Variants in FER observed in about 807,000 individuals in gnomAD.
The protein encoded by FER is FER tyrosine kinase.
Under a neutral mutation model 111.0 loss-of-function variants are expected in FER, and 63 were observed. The observed-to-expected ratio is 0.57, with a 90% CI of 0.46 to 0.70. FER has a LOEUF of 0.70. FER is among the 30% of genes least tolerant of loss of function. FER has a pLI of 0.00. For missense variants in FER, 914 were observed against 954.0 expected (o/e 0.96, Z 0.55); for synonymous variants, 327 against 313.9 (o/e 1.04, Z -0.44).
intron 10 of FER, among the ~76,000 whole-genome samples, chr5:108,907,237 C>T (rs553672334): frequency 2.0e-4 from 30 of 151,882 alleles, no homozygotes; most frequent in African/African-American, 7.0e-4. Context: ...TTGTCTCTTC[C>T]ACCTTTTTCC....
At position 109,191,490 on chromosome 5, in the gene FER, C is replaced by T. The variant is rs1429030203; in HGVS notation, c.*3915C>T. Reference sequence around the variant, plus strand: ...TGAGTCATCGCAAGACTTGCTTTTGCATTTAGGAAGCCACACCCTCCCACA... The same window carrying T: ...TGAGTCATCGCAAGACTTGCTTTTGTATTTAGGAAGCCACACCCTCCCACA... On this transcript the variant is annotated 3_prime_UTR_variant, in exon 20 of 20. Coordinates refer to ENST00000281092, the MANE Select transcript of FER (RefSeq NM_005246.4). The T allele has an allele frequency of 6.6e-6, 1 of 152,104 alleles. No homozygotes were observed. The highest frequency in any genetic ancestry group is 2.4e-5 in the African/African-American group (1 of 41,436). 9.4% of individuals were successfully genotyped at this position (152,104 alleles called of 1,614,324 possible).
At chr5:109,101,313 TCATTG>T (rs1339610591) in intron 17 of FER, among the ~76,000 whole-genome samples, 1 of 152,014 alleles carries the variant, frequency 6.6e-6, no homozygotes, top group Non-Finnish European at 1.5e-5. Flanking sequence ...GGAGCAAGGT[TCATTG>T]CTAGAGTGAG....
chr5:108,977,294 A>C (rs1259928283), intron 13 of FER, among the ~76,000 whole-genome samples: 1 of 152,186 alleles, frequency 6.6e-6, no homozygotes, highest in Non-Finnish European at 1.5e-5. Flanking sequence ...ACTTTTTATA[A>C]TAGGTTTATG....
chr5:108,879,927 C>G (rs970909483), intron 8 of FER, among the ~76,000 whole-genome samples: 29 of 151,698 alleles, frequency 1.9e-4, no homozygotes, highest in Admixed American at 1.8e-3. Context: ...CCAGGCTGGT[C>G]TCAAACTCCT....
At chr5:109,172,829 C>G (rs1276027295) in intron 17 of FER, among the ~76,000 whole-genome samples, 1 of 151,802 alleles carries the variant, frequency 6.6e-6, no homozygotes, top group Non-Finnish European at 1.5e-5. Flanking sequence ...ACAATGTGGC[C>G]CACAGGTGAT....
At chr5:109,141,628 A>G (rs1582221764) in intron 17 of FER, among the ~76,000 whole-genome samples, 1 of 152,194 alleles carries the variant, frequency 6.6e-6, no homozygotes, top group East Asian at 1.9e-4. Context: ...TGGAAGATGG[A>G]GAGTCAGTTA....
At chr5:109,103,080 A>G (rs1479324967) in intron 17 of FER, among the ~76,000 whole-genome samples, 1 of 152,154 alleles carries the variant, frequency 6.6e-6, no homozygotes, top group Non-Finnish European at 1.5e-5. Flanking sequence ...ATGAATTAAA[A>G]TAATGTAAAA....
At chr5:109,045,902 A>G (rs1771903106) in intron 15 of FER, among the ~76,000 whole-genome samples, 1 of 152,246 alleles carries the variant, frequency 6.6e-6, no homozygotes, top group Admixed American at 6.5e-5. Flanking sequence ...GATGCCAGTC[A>G]GCCCTATTTG....
chr5:108,822,147 A>G (rs928946948), intron 3 of FER, among the ~76,000 whole-genome samples: 2 of 152,174 alleles, frequency 1.3e-5, no homozygotes, highest in Non-Finnish European at 2.9e-5. Flanking sequence ...TGCCCTCTAG[A>G]TTAATCCCTG....
At chr5:109,060,829 TAG>T (rs1321290706) in intron 16 of FER, among the ~76,000 whole-genome samples, 1 of 151,856 alleles carries the variant, frequency 6.6e-6, no homozygotes, top group Non-Finnish European at 1.5e-5. Context: ...ATAAATATCT[TAG>T]AGTGCTTGAC....
chr5:108,928,373 A>G (rs1754083614), intron 10 of FER, among the ~76,000 whole-genome samples: 1 of 152,214 alleles, frequency 6.6e-6, no homozygotes, highest in South Asian at 2.1e-4. Flanking sequence ...ATTGGCAATC[A>G]TATCACAAAA....
At chr5:108,769,571 A>T (rs190416228) in intron 2 of FER, among the ~76,000 whole-genome samples, 43 of 152,250 alleles carry the variant, frequency 2.8e-4, no homozygotes, top group Admixed American at 2.1e-3. Flanking sequence ...AGCTGAGGTG[A>T]GATAGTGATG....
At chr5:109,033,145 C>A (rs1029198014) in intron 13 of FER, among the ~76,000 whole-genome samples, 1 of 152,134 alleles carries the variant, frequency 6.6e-6, no homozygotes, top group African/African-American at 2.4e-5. Context: ...TATTTTCATT[C>A]ATTAACCTGT....
At chr5:108,936,479 T>C (rs1230835362) in intron 10 of FER, among the ~76,000 whole-genome samples, 1 of 152,008 alleles carries the variant, frequency 6.6e-6, no homozygotes, top group Non-Finnish European at 1.5e-5. Flanking sequence ...TTCATATTGA[T>C]TCTCCTATGC....
At chr5:108,790,235 C>CCACACACACACACA (rs66805209) in intron 2 of FER, among the ~76,000 whole-genome samples, 2,356 of 145,166 alleles carry the variant, frequency 0.016, 23 homozygotes, top group Middle Eastern at 0.028. Flanking sequence ...TGCATACACA[C>CCACACACACACACA]CACACACACA....
chr5:108,809,244 G>A lies in FER; in HGVS notation c.207+10855G>A, dbSNP rs113300047. On this transcript the variant is annotated intron_variant, in intron 3 of 19. Coordinates refer to ENST00000281092, the MANE Select transcript of FER (RefSeq NM_005246.4). ...AGGAATGACGTAACTTGTAGGTTTC[G>A]TTGCTTTACCTAATCCCGTATTTCT... 6.1e-3 allele frequency among the ~76,000 whole-genome samples: 927 copies of A among 152,064 alleles called. 2 individuals carry two copies. Among genetic ancestry groups the A allele is most frequent in the Middle Eastern group, 0.024 (7 of 294 alleles).
At chr5:109,033,609 T>C (rs935205284) in intron 13 of FER, among the ~76,000 whole-genome samples, 1 of 152,270 alleles carries the variant, frequency 6.6e-6, no homozygotes, top group Non-Finnish European at 1.5e-5. Flanking sequence ...ATTGAATGTC[T>C]TTCTCAGCCA....
intron 2 of FER, among the ~76,000 whole-genome samples, chr5:108,778,127 G>C (rs1561403760): frequency 6.6e-6 from 1 of 152,122 alleles, no homozygotes. Flanking sequence ...TTCATGGCTT[G>C]ATAGTTCAGT....
chr5:109,086,928 G>A (rs958617116), intron 16 of FER, among the ~76,000 whole-genome samples: 3 of 149,278 alleles, frequency 2.0e-5, no homozygotes, highest in Non-Finnish European at 4.5e-5. Flanking sequence ...TCTTCTCTGT[G>A]TGTCTTCACA....
Sources: allele counts gnomAD v4.1 joint callset (sites outside exome capture counted in the v4.1 genomes callset), GRCh38; gene constraint gnomAD v4.1.1; transcripts MANE v1.5; gene names NCBI Gene and HGNC (gene_info 2026-07-23, HGNC 2026-07-21).